ABTB3: variants seen among roughly 807,000 people sequenced by gnomAD.
ABTB3 encodes ankyrin repeat- and BTB/POZ domain-containing protein 3.
At chr12:107,635,868 ACC>A in the ABTB3 span, among the ~76,000 whole-genome samples, 20 of 31,312 alleles carry the variant, frequency 6.4e-4, no homozygotes, top group East Asian at 0.031. Context: ...CCCCCCACCC[ACC>A]CACACACACA....
chr12:107,389,834 ATGTGTGTGTGTTTGTGTG>A, the ABTB3 span, among the ~76,000 whole-genome samples: 817 of 101,966 alleles, frequency 8.0e-3, 12 homozygotes, highest in African/African-American at 0.033. Context: ...ATGCTGGGGC[ATGTGTGTGTGTTTGTGTG>A]TGTGTGTGTG....
chr12:107,562,660 A>G, the ABTB3 span, among the ~76,000 whole-genome samples: 2 of 152,226 alleles, frequency 1.3e-5, no homozygotes, highest in African/African-American at 4.8e-5. Flanking sequence ...TGTCAGATTG[A>G]ATTATTTGAG....
chr12:107,546,939 A>G, the ABTB3 span, among the ~76,000 whole-genome samples: 2 of 151,980 alleles, frequency 1.3e-5, no homozygotes, highest in East Asian at 3.9e-4. Flanking sequence ...CACACTTGTA[A>G]TCCCAGCACT....
the ABTB3 span, among the ~76,000 whole-genome samples, chr12:107,622,516 C>G: frequency 8.5e-4 from 130 of 152,264 alleles, no homozygotes; most frequent in African/African-American, 1.7e-3. Flanking sequence ...AGGTCTCGCT[C>G]TGTCGCCCAG....
chr12:107,518,166 C>G, the ABTB3 span, among the ~76,000 whole-genome samples: 2 of 152,162 alleles, frequency 1.3e-5, no homozygotes, highest in African/African-American at 4.8e-5. Context: ...GTTGGTGGGA[C>G]TGTAAACTAG....
chr12:107,614,784 T>G, the ABTB3 span, among the ~76,000 whole-genome samples: 1 of 152,186 alleles, frequency 6.6e-6, no homozygotes. Flanking sequence ...GGGTAAAATC[T>G]CCAAAACACG....
the ABTB3 span, among the ~76,000 whole-genome samples, chr12:107,584,383 G>A: frequency 2.6e-5 from 4 of 152,294 alleles, no homozygotes; most frequent in East Asian, 3.9e-4. Context: ...GGACTTATCC[G>A]AGGTCACACA....
chr12:107,424,333 C>T, the ABTB3 span, among the ~76,000 whole-genome samples: 3 of 152,302 alleles, frequency 2.0e-5, no homozygotes, highest in Non-Finnish European at 1.5e-5. Context: ...CCTTTCTCTA[C>T]CCCTCACCCA....
chr12:107,550,697 C>T, the ABTB3 span, among the ~76,000 whole-genome samples: 1 of 151,396 alleles, frequency 6.6e-6, no homozygotes, highest in African/African-American at 2.4e-5. Context: ...TCTCCCGCCT[C>T]GGCTTCCCAA....
chr12:107,642,553 T>G, the ABTB3 span, among the ~76,000 whole-genome samples: 1 of 152,088 alleles, frequency 6.6e-6, no homozygotes, highest in Non-Finnish European at 1.5e-5. Flanking sequence ...AGAGAAGACC[T>G]CTTGGATGAG....
At chr12:107,550,865 G>A in the ABTB3 span, among the ~76,000 whole-genome samples, 1 of 151,964 alleles carries the variant, frequency 6.6e-6, no homozygotes, top group Non-Finnish European at 1.5e-5. Context: ...TTACAGGTGT[G>A]AGCCACCGCA....
chr12:107,536,518 A>G, the ABTB3 span, among the ~76,000 whole-genome samples: 6 of 152,270 alleles, frequency 3.9e-5, no homozygotes, highest in African/African-American at 9.6e-5. Context: ...TCCGTAATAG[A>G]CAAGGAACTC....
At chr12:107,389,923 T>C in the ABTB3 span, among the ~76,000 whole-genome samples, 5 of 151,556 alleles carry the variant, frequency 3.3e-5, no homozygotes, top group South Asian at 1.0e-3. Context: ...GAAAACCACT[T>C]CCTCTTCCCA....
chr12:107,551,011 A>G, the ABTB3 span, among the ~76,000 whole-genome samples: 1 of 152,230 alleles, frequency 6.6e-6, no homozygotes. Context: ...GAGAACAAAA[A>G]TACCACCCCA....
At chr12:107,481,909 C>CTCTG in the ABTB3 span, among the ~76,000 whole-genome samples, 1 of 150,974 alleles carries the variant, frequency 6.6e-6, no homozygotes, top group Admixed American at 6.6e-5. Context: ...CTCTCTCTCT[C>CTCTG]TCTCTCTCTC....
At chr12:107,527,505 C>G in the ABTB3 span, among the ~76,000 whole-genome samples, 1 of 152,194 alleles carries the variant, frequency 6.6e-6, no homozygotes, top group East Asian at 1.9e-4. Context: ...CTCTTGAGCT[C>G]GAGCATTCTG....
chr12:107,544,131 G>A, the ABTB3 span: 10 of 1,613,808 alleles, frequency 6.2e-6, no homozygotes, highest in Non-Finnish European at 7.6e-6. Flanking sequence ...TCAACCTCCA[G>A]GTGGAAAGGT....
chr12:107,530,167 T>C, the ABTB3 span, among the ~76,000 whole-genome samples: 2 of 152,138 alleles, frequency 1.3e-5, no homozygotes, highest in Admixed American at 1.3e-4. Context: ...GAGGAGATGG[T>C]GAGATGGTTA....
chr12:107,348,297 G>GCA, the ABTB3 span, among the ~76,000 whole-genome samples: 11 of 150,134 alleles, frequency 7.3e-5, no homozygotes, highest in Admixed American at 2.7e-4. Context: ...ACACACACAC[G>GCA]CACACACACA....
Sources: gnomAD v4.1 joint callset for allele counts (sites outside exome capture counted in the v4.1 genomes callset) on GRCh38, gnomAD v4.1.1 for gene constraint, MANE v1.5 for transcripts, NCBI Gene and HGNC (gene_info 2026-07-23, HGNC 2026-07-21) for gene names.